GRM5: variants seen among roughly 807,000 people sequenced by gnomAD.
GRM5 encodes metabotropic glutamate receptor 5.
Under a neutral mutation model 83.1 loss-of-function variants are expected in GRM5, and 19 were observed. That is an observed-to-expected ratio of 0.23 (90% CI 0.16 to 0.34). The LOEUF (loss-of-function observed/expected upper bound fraction) is 0.34, where lower values mean the gene tolerates loss of function less well. Among genes scored for constraint, GRM5 ranks in the 10% least tolerant of loss-of-function variants. The pLI is 1.00. For synonymous variants in GRM5, 675 were observed against 633.6 expected, an observed-to-expected ratio of 1.07 and a Z score of -0.98; for missense variants, 1,160 against 1,588.3, an observed-to-expected ratio of 0.73 and a Z score of 4.58.
intron 3 of GRM5, among the ~76,000 whole-genome samples, chr11:88,801,958 C>G (rs1315589837): frequency 6.6e-6 from 1 of 152,124 alleles, no homozygotes; most frequent in Admixed American, 6.6e-5. Flanking sequence ...CAATAAGGGT[C>G]AGGAATATTC....
intron 2 of GRM5, among the ~76,000 whole-genome samples, chr11:88,941,730 T>A (rs1938120786): frequency 1.3e-5 from 2 of 152,066 alleles, no homozygotes; most frequent in Non-Finnish European, 2.9e-5. Context: ...GTTTAAAAAT[T>A]CCTTTACAAT....
chr11:88,544,519 C>T (rs1942347368), intron 8 of GRM5, among the ~76,000 whole-genome samples: 1 of 151,160 alleles, frequency 6.6e-6, no homozygotes, highest in Non-Finnish European at 1.5e-5. Context: ...CCCCACTAAC[C>T]TCTGTTTTGG....
intron 2 of GRM5, among the ~76,000 whole-genome samples, chr11:88,950,177 T>G (rs1220807357): frequency 6.6e-6 from 1 of 152,072 alleles, no homozygotes; most frequent in Non-Finnish European, 1.5e-5. Context: ...CCCGGCCGAA[T>G]TTCCTTGTTA....
At chr11:88,715,906 T>A (rs1447009343) in intron 3 of GRM5, among the ~76,000 whole-genome samples, 2 of 151,870 alleles carry the variant, frequency 1.3e-5, no homozygotes, top group African/African-American at 4.8e-5. Flanking sequence ...TGGGTTTGGG[T>A]CTGGGAATTT....
intron 3 of GRM5, among the ~76,000 whole-genome samples, chr11:88,749,667 G>GA (rs1300334340): frequency 6.6e-6 from 1 of 152,010 alleles, no homozygotes; most frequent in East Asian, 1.9e-4. Flanking sequence ...TGAAATGGAA[G>GA]AAAAAATATT....
At chr11:88,601,458 A>T (rs1438412720) in intron 5 of GRM5, among the ~76,000 whole-genome samples, 2 of 151,068 alleles carry the variant, frequency 1.3e-5, no homozygotes, top group Non-Finnish European at 2.9e-5. Context: ...TGGCTTTTAA[A>T]TGCTCCTCTT....
intron 8 of GRM5, among the ~76,000 whole-genome samples, chr11:88,526,924 A>G (rs1348182332): frequency 6.6e-6 from 1 of 152,160 alleles, no homozygotes; most frequent in Non-Finnish European, 1.5e-5. Flanking sequence ...GAATTTACCT[A>G]ACAGTAGGAG....
rs1253414711 is a variant in GRM5 at position 88,828,369 on chromosome 11, A to G, written c.911+21537T>C. 2.0e-5 allele frequency among the ~76,000 whole-genome samples: 3 copies of G among 152,222 alleles called. No individual in the cohort carries two copies. In the East Asian group the frequency reaches 5.8e-4, roughly 29 times the overall value. Reference sequence around the variant, plus strand: ...TTCCTTGAGATATAGGTAATTGTACATTCACAACTTAGGATCCTAATTCTC... The same window carrying G: ...TTCCTTGAGATATAGGTAATTGTACGTTCACAACTTAGGATCCTAATTCTC... On this transcript the variant is annotated intron_variant, in intron 3 of 9. Transcript: ENST00000305447.
At chr11:88,969,522 CT>C (rs1335073676) in intron 2 of GRM5, among the ~76,000 whole-genome samples, 1 of 151,966 alleles carries the variant, frequency 6.6e-6, no homozygotes, top group Admixed American at 6.6e-5. Context: ...GAAAATGCTC[CT>C]GGGTACTAAC....
At chr11:88,685,877 C>A (rs1940609634) in intron 3 of GRM5, among the ~76,000 whole-genome samples, 1 of 152,166 alleles carries the variant, frequency 6.6e-6, no homozygotes. Flanking sequence ...GATGCCCAGG[C>A]AGAAGTTTGC....
intron 3 of GRM5, among the ~76,000 whole-genome samples, chr11:88,833,112 TG>T (rs941693203): frequency 5.3e-5 from 8 of 151,936 alleles, no homozygotes; most frequent in Non-Finnish European, 1.2e-4. Context: ...AATAAACAAA[TG>T]GGATTGTTTT....
At chr11:88,580,461 A>G (rs983498264) in intron 7 of GRM5, among the ~76,000 whole-genome samples, 24 of 152,244 alleles carry the variant, frequency 1.6e-4, no homozygotes, top group African/African-American at 5.8e-4. Flanking sequence ...CAGTGGCAAT[A>G]GATGCTAGAT....
At chr11:88,838,126 C>CT (rs1398465908) in intron 3 of GRM5, among the ~76,000 whole-genome samples, 1 of 137,728 alleles carries the variant, frequency 7.3e-6, no homozygotes, top group Non-Finnish European at 1.6e-5. Flanking sequence ...AGTAACGTCT[C>CT]TGAGTTTCAG....
intron 3 of GRM5, among the ~76,000 whole-genome samples, chr11:88,762,506 T>A (rs1942543289): frequency 8.0e-5 from 1 of 12,556 alleles, no homozygotes; most frequent in South Asian, 6.6e-4. Context: ...ACTCAGAATG[T>A]ATTATTAAAA....
At position 89,047,693 on chromosome 11, in the gene GRM5, G is replaced by A. The variant is rs1414613430; in HGVS notation, c.180C>T (p.Val60=). ...CTCTCTGAATGCCATACTGTTCACG[G>A]ACCGCCCCACACTTCCTCTCATGAA... ...DKVHERKCGA[V]REQYGIQRVE... The change falls in exon 2 of 10, where the codon GTC becomes GTT. Residue 60 remains valine (V), a synonymous_variant. Transcript: ENST00000305447. The surrounding 1 kb of genome is among the most constrained non-coding windows in gnomAD (Gnocchi z 5.1). 6.2e-7 allele frequency: 1 copy of A among 1,613,926 alleles called. No individual in the cohort carries two copies. Among genetic ancestry groups the A allele is most frequent in the Non-Finnish European group, 8.5e-7 (1 of 1,180,002 alleles).
chr11:88,640,180 A>T (rs186257032), intron 4 of GRM5, among the ~76,000 whole-genome samples: 8 of 152,320 alleles, frequency 5.3e-5, no homozygotes, highest in Admixed American at 3.9e-4. Flanking sequence ...GTGTCACATG[A>T]AATTCTAATT....
At chr11:88,531,614 G>A (rs570642444) in intron 8 of GRM5, among the ~76,000 whole-genome samples, 1 of 152,076 alleles carries the variant, frequency 6.6e-6, no homozygotes, top group Non-Finnish European at 1.5e-5. Flanking sequence ...AGAAATTGCA[G>A]ACTCTCTGAG....
At chr11:88,780,246 C>G (rs1942947713) in intron 3 of GRM5, among the ~76,000 whole-genome samples, 1 of 152,182 alleles carries the variant, frequency 6.6e-6, no homozygotes, top group Admixed American at 6.5e-5. Context: ...TTATACTACA[C>G]TGTGCTGCTT....
Position 88,567,765 on chromosome 11 carries a change from T to C in GRM5, c.1918A>G (p.Lys640Glu). The change falls in exon 8 of 10, where the codon AAA (lysine) becomes GAA (glutamate). Residue 640 changes from lysine (K) to glutamate (E), a missense_variant. This residue lies in a region of GRM5 where 132 missense variants were observed against 245.5 expected (regional missense o/e 0.54). Coordinates refer to ENST00000305447, the MANE Select transcript of GRM5 (RefSeq NM_001143831.3). The surrounding 1 kb of genome is among the most constrained non-coding windows in gnomAD (Gnocchi z 7.3). ...CTCTGAAGGTAGCAGTAAATCTGTT[T>C]GGGCTTCGCAATGAGGCAGAAGGTA... ...LCTFCLIAKPKQIYCYLQRIG... is the reference protein window; with the variant it reads ...LCTFCLIAKPEQIYCYLQRIG... The C allele has an allele frequency of 6.2e-7, 1 of 1,614,072 alleles. No individual in the cohort carries two copies. The highest frequency in any genetic ancestry group is 1.1e-5 in the South Asian group (1 of 91,080).
Sources: gnomAD v4.1 joint callset for allele counts (sites outside exome capture counted in the v4.1 genomes callset) on GRCh38, gnomAD v4.1.1 for gene constraint, gnomAD v4.1.1 regional missense constraint, Gnocchi (gnomAD v3.1) non-coding constraint, MANE v1.5 for transcripts, NCBI Gene and HGNC (gene_info 2026-07-23, HGNC 2026-07-21) for gene names.